GABRA1: variants seen among roughly 807,000 people sequenced by gnomAD.
GABRA1 encodes the protein gamma-aminobutyric acid receptor subunit alpha-1.
GABRA1 carries 9 observed loss-of-function variants against 48.9 expected under a neutral mutation model. The ratio of observed to expected loss-of-function variants is 0.18; its 90% CI spans 0.11 to 0.32. The LOEUF is 0.32. GABRA1 is among the 10% of genes least tolerant of loss of function. GABRA1 has a pLI of 1.00. For synonymous variants in GABRA1, 210 were observed against 198.7 expected (o/e 1.06, Z -0.48); for missense variants, 285 against 553.8 (o/e 0.51, Z 4.87).
intron 8 of GABRA1, among the ~76,000 whole-genome samples, chr5:161,891,943 A>T (rs2113450271): frequency 6.6e-6 from 1 of 152,338 alleles, no homozygotes; most frequent in South Asian, 2.1e-4. Context: ...ACTATAAAAC[A>T]AATTCTATCT....
intron 7 of GABRA1, among the ~76,000 whole-genome samples, chr5:161,884,296 A>G (rs554770273): frequency 5.9e-5 from 9 of 152,246 alleles, no homozygotes; most frequent in African/African-American, 2.2e-4. Context: ...GCTGGATATA[A>G]TGGCAGTCAC....
At chr5:161,892,651 T>G (rs2113452494) in intron 8 of GABRA1, among the ~76,000 whole-genome samples, 1 of 150,838 alleles carries the variant, frequency 6.6e-6, no homozygotes, top group South Asian at 2.1e-4. Context: ...TGAGTATGCC[T>G]TTTTCTCACT....
chr5:161,877,886 A>T (rs1474357953), intron 6 of GABRA1, among the ~76,000 whole-genome samples: 1 of 152,144 alleles, frequency 6.6e-6, no homozygotes, highest in Non-Finnish European at 1.5e-5. Flanking sequence ...CTATCTCTCC[A>T]CATGTCAGCA....
intron 4 of GABRA1, 150 bp downstream of exon 4, chr5:161,865,938 T>A: frequency 1.6e-6 from 1 of 632,926 alleles, no homozygotes; most frequent in South Asian, 1.9e-5. Context: ...ATATGTAATA[T>A]AATATTTATA....
chr5:161,860,003 A>G, intron 3 of GABRA1, among the ~76,000 whole-genome samples: 1 of 151,868 alleles, frequency 6.6e-6, no homozygotes, highest in East Asian at 1.9e-4. Context: ...GGTATGGAGC[A>G]GATGCTCAGA....
intron 2 of GABRA1, among the ~76,000 whole-genome samples, chr5:161,852,013 G>A (rs139995612): frequency 3.1e-4 from 47 of 152,240 alleles, no homozygotes; most frequent in African/African-American, 9.9e-4. Flanking sequence ...ACTACATTGG[G>A]ATGAGTGTTT....
intron 8 of GABRA1, among the ~76,000 whole-genome samples, chr5:161,895,006 A>T (rs1027933299): frequency 3.3e-5 from 5 of 151,756 alleles, no homozygotes; most frequent in African/African-American, 1.2e-4. Flanking sequence ...AAGTTACATA[A>T]AATGTATTAT....
chr5:161,864,242 G>T (rs1282802844), intron 3 of GABRA1, among the ~76,000 whole-genome samples: 1 of 151,868 alleles, frequency 6.6e-6, no homozygotes, highest in Non-Finnish European at 1.5e-5. Context: ...TAGGGTACAT[G>T]TGCGCATTGT....
At chr5:161,880,792 T>C (rs1754581207) in intron 6 of GABRA1, among the ~76,000 whole-genome samples, 1 of 152,184 alleles carries the variant, frequency 6.6e-6, no homozygotes, top group Non-Finnish European at 1.5e-5. Flanking sequence ...ATGGCTCACA[T>C]CTTTTTTCAG....
chr5:161,848,548 GAGA>G (rs1388749152), intron 1 of GABRA1, 126 bp downstream of exon 1: 1 of 144,900 alleles, frequency 6.9e-6, no homozygotes, highest in Middle Eastern at 3.5e-3. Flanking sequence ...GAGAGAGAGA[GAGA>G]AGAAGGAGAG....
chr5:161,887,533 T>G (rs1304554381), intron 7 of GABRA1, among the ~76,000 whole-genome samples: 1 of 152,164 alleles, frequency 6.6e-6, no homozygotes, highest in Admixed American at 6.6e-5. Flanking sequence ...GATCTAGAAC[T>G]ATAATGAGTG....
chr5:161,876,574 C>T (rs1345076075), intron 6 of GABRA1, among the ~76,000 whole-genome samples: 1 of 152,094 alleles, frequency 6.6e-6, no homozygotes, highest in South Asian at 2.1e-4. Flanking sequence ...AAAAGGCCTT[C>T]GGGCTCCTAG....
chr5:161,847,496 G>A (rs1757259170), upstream of GABRA1: 1 of 152,168 alleles, frequency 6.6e-6, no homozygotes. Flanking sequence ...GGGTATTCTT[G>A]CTGTCCTCTA....
At chr5:161,862,151 C>T (rs1027257023) in intron 3 of GABRA1, among the ~76,000 whole-genome samples, 1 of 151,838 alleles carries the variant, frequency 6.6e-6, no homozygotes, top group African/African-American at 2.4e-5. Context: ...CATCAGCTAT[C>T]TTCTTAGACT....
chr5:161,875,222 G>A (rs911330691), intron 5 of GABRA1, among the ~76,000 whole-genome samples: 5 of 152,192 alleles, frequency 3.3e-5, no homozygotes, highest in East Asian at 1.9e-4. Context: ...TAGTATTTAC[G>A]CAAGTGTTTA....
At chr5:161,886,074 T>C (rs1754832185) in intron 7 of GABRA1, among the ~76,000 whole-genome samples, 1 of 152,122 alleles carries the variant, frequency 6.6e-6, no homozygotes, top group Admixed American at 6.6e-5. Flanking sequence ...CCCCATTTTA[T>C]AGATGGGATA....
intron 7 of GABRA1, among the ~76,000 whole-genome samples, chr5:161,883,648 T>C (rs1754713330): frequency 6.6e-6 from 1 of 152,142 alleles, no homozygotes. Context: ...TTCACTCTTA[T>C]TTTTTATTTC....
Position 161,882,251 on chromosome 5 carries a change from A to G in GABRA1, c.560-307A>G, listed in dbSNP as rs1369568606. The G allele has an allele frequency of 2.3e-5, 9 of 399,832 alleles. No homozygotes were observed. In the East Asian group the frequency reaches 5.0e-4, roughly 22 times the overall value. The allele number at this position is 399,832 out of a possible 1,614,324, so 24.8% of individuals were successfully genotyped here. A position where few individuals can be genotyped will look rare whatever the true frequency, so the allele number is the denominator to read the frequency against. On this transcript the variant is annotated intron_variant, in intron 6 of 9. Transcript: ENST00000393943. ...TATTTGCTTATATGTTTTTGTCCCC[A>G]CTGCTACAATGCATATTCCATAAGA...
At chr5:161,861,962 G>A (rs937939299) in intron 3 of GABRA1, among the ~76,000 whole-genome samples, 1 of 151,862 alleles carries the variant, frequency 6.6e-6, no homozygotes, top group Admixed American at 6.6e-5. Flanking sequence ...ATGAACCCAT[G>A]GAACTGTTAC....
Sources: allele counts gnomAD v4.1 joint callset (sites outside exome capture counted in the v4.1 genomes callset), GRCh38; gene constraint gnomAD v4.1.1; transcripts MANE v1.5; gene names NCBI Gene and HGNC (gene_info 2026-07-23, HGNC 2026-07-21).